AP2A2: variants seen among roughly 807,000 people sequenced by gnomAD.
The protein encoded by AP2A2 is adaptor related protein complex 2 subunit alpha 2.
A neutral mutation model predicts 104.2 loss-of-function variants in AP2A2; 32 were observed. The ratio of observed to expected loss-of-function variants is 0.31; its 90% CI spans 0.23 to 0.41. The LOEUF is 0.41. Among genes scored for constraint, AP2A2 ranks in the 10% least tolerant of loss-of-function variants. The probability of loss-of-function intolerance (pLI) is 1.00; values close to 1 mark genes in which losing one functional copy is unlikely to be tolerated. For missense variants in AP2A2, 912 were observed against 1,261.0 expected, an observed-to-expected ratio of 0.72 and a Z score of 4.19; for synonymous variants, 539 against 533.3, an observed-to-expected ratio of 1.01 and a Z score of -0.15.
At chr11:941,961 C>CT (rs1302118279) in intron 1 of AP2A2, among the ~76,000 whole-genome samples, 5 of 151,922 alleles carry the variant, frequency 3.3e-5, no homozygotes, top group Admixed American at 6.6e-5. Flanking sequence ...GAGTCTCGCT[C>CT]TGTCACCCAG....
intron 7 of AP2A2, 80 bp from the exon 8 acceptor site, chr11:985,355 T>C (rs1855415466): frequency 2.7e-6 from 4 of 1,502,738 alleles, no homozygotes; most frequent in East Asian, 2.3e-5. Context: ...GCTCTCATGA[T>C]GTATGGGTGC....
intron 1 of AP2A2, among the ~76,000 whole-genome samples, chr11:938,404 T>C (rs1164166332): frequency 1.3e-5 from 2 of 152,190 alleles, no homozygotes; most frequent in Non-Finnish European, 2.9e-5. Context: ...CCAAATATGT[T>C]CTAGAACATT....
intron 1 of AP2A2, among the ~76,000 whole-genome samples, chr11:930,347 G>A (rs565245328): frequency 9.9e-5 from 15 of 152,200 alleles, no homozygotes; most frequent in African/African-American, 2.9e-4. Flanking sequence ...TGTGGCTCAG[G>A]TAGTGAACTA....
chr11:993,478 G>T lies in AP2A2; in HGVS notation c.1550+97G>T. On this transcript the variant is annotated intron_variant, in intron 12 of 21. Coordinates refer to ENST00000448903, the MANE Select transcript of AP2A2 (RefSeq NM_012305.4). The surrounding 1 kb of genome is among the most constrained non-coding windows in gnomAD (Gnocchi z 8.2). ...AGGCACCAGCTGGCCCTGCCGTGAG[G>T]CCTCGCAGAGCCGCTTCTGCTCCCC... The T allele has an allele frequency of 1.1e-6, 1 of 888,812 alleles. No homozygotes were observed. The allele number at this position is 888,812 out of a possible 1,614,324, so 55.1% of individuals were successfully genotyped here. A position where few individuals can be genotyped will look rare whatever the true frequency, so the allele number is the denominator to read the frequency against.
Position 992,400 on chromosome 11 carries a change from A to AT in AP2A2, c.1270-101dup, listed in dbSNP as rs1164753640. 1.6e-4 allele frequency: 198 copies of AT among 1,223,352 alleles called. 1 individual carries two copies. Among genetic ancestry groups the AT allele is most frequent in the South Asian group, 4.7e-4 (36 of 77,084 alleles). The allele number at this position is 1,223,352 out of a possible 1,614,324, so 75.8% of individuals were successfully genotyped here. The stretch of plus-strand genomic sequence containing the variant: ...CCATGTCCCAAACTTTTGTAGACAC[A>AT]TTGAGGTGCTTCTGAAACTCTCACT... On this transcript the variant is annotated intron_variant, in intron 10 of 21. Transcript: ENST00000448903. The surrounding 1 kb of genome is among the most constrained non-coding windows in gnomAD (Gnocchi z 6.4).
At chr11:1,008,286 C>T in intron 18 of AP2A2, 151 bp downstream of exon 18, 2 of 1,180,044 alleles carry the variant, frequency 1.7e-6, no homozygotes, top group East Asian at 2.8e-5. Flanking sequence ...GCTATTGCTG[C>T]CCCCGGCTCT....
chr11:999,037 G>A (rs1245338511), intron 14 of AP2A2, among the ~76,000 whole-genome samples: 3 of 152,130 alleles, frequency 2.0e-5, no homozygotes, highest in Non-Finnish European at 4.4e-5. Flanking sequence ...TGGTGCACAG[G>A]CTGCTGTGGG....
At chr11:982,680 C>T (rs942151169) in intron 6 of AP2A2, among the ~76,000 whole-genome samples, 4 of 149,724 alleles carry the variant, frequency 2.7e-5, no homozygotes, top group South Asian at 2.1e-4. Flanking sequence ...GATAGGGTCT[C>T]GCTCTTGGTG....
At chr11:965,807 C>T (rs1049575374) in intron 2 of AP2A2, among the ~76,000 whole-genome samples, 3 of 152,224 alleles carry the variant, frequency 2.0e-5, no homozygotes, top group Non-Finnish European at 4.4e-5. Flanking sequence ...TAGAAAACAA[C>T]TGTTGTGTTC....
chr11:994,290 C>A, intron 14 of AP2A2, 45 bp downstream of exon 14: 2 of 1,599,226 alleles, frequency 1.3e-6, no homozygotes, highest in Non-Finnish European at 8.5e-7. Context: ...CAGGGCCTCA[C>A]CCCCAAGACT....
chr11:1,006,709 G>A (rs1457291072), intron 17 of AP2A2, 92 bp downstream of exon 17: 2 of 961,708 alleles, frequency 2.1e-6, no homozygotes, highest in Admixed American at 2.2e-5. Flanking sequence ...TTCTTATTTT[G>A]TTAAAATAGC....
chr11:1,008,433 C>T (rs981035995), intron 18 of AP2A2: 22 of 348,868 alleles, frequency 6.3e-5, no homozygotes, highest in African/African-American at 2.6e-4. Flanking sequence ...CCAGGGCCCC[C>T]GCGCCACCTG....
At chr11:948,024 C>T (rs1346390657) in intron 1 of AP2A2, among the ~76,000 whole-genome samples, 1 of 152,062 alleles carries the variant, frequency 6.6e-6, no homozygotes, top group Non-Finnish European at 1.5e-5. Context: ...GCAGTGAGAG[C>T]AGGGCTGAGG....
In AP2A2 at chr11:1,009,824, C is replaced by T. The variant is rs1590026949; in HGVS notation, c.2742+7C>T. The T allele has an allele frequency of 1.9e-6, 3 of 1,538,822 alleles. No homozygotes were observed. Among genetic ancestry groups the T allele is most frequent in the East Asian group, 2.5e-5 (1 of 40,508 alleles). On this transcript the variant is annotated splice_region_variant and intron_variant, in intron 21 of 21. Transcript: ENST00000448903. ...GCCGAACCTGCAAGCCCAGGTCAGG[C>T]CCTCAGGAAATGGTGGAACACACTT... is the stretch of plus-strand genomic sequence containing the variant.
chr11:959,477 A>C lies in AP2A2; in HGVS notation c.108A>C (p.Glu36Asp), dbSNP rs768287489. The C allele has an allele frequency of 6.4e-7, 1 of 1,560,054 alleles. No homozygotes were observed. The highest frequency in any genetic ancestry group is 8.8e-7 in the Non-Finnish European group (1 of 1,134,584). Reference protein sequence around the residue: ...KEAEIKRINKELANIRSKFKG... With the variant: ...KEAEIKRINKDLANIRSKFKG... ...CAGAAATAAAAAGGATAAACAAGGA[A>C]CTGGCAAATATCAGATCAAAATTTA... Residue 36 changes from glutamate to aspartate, a missense_variant, in exon 2 of 22, where the codon GAA becomes GAC. This residue lies in a region of AP2A2 where 17 missense variants were observed against 57.3 expected (regional missense o/e 0.30). Transcript: ENST00000448903.
Position 972,928 on chromosome 11 carries a change from C to T in AP2A2, c.473+673C>T, listed in dbSNP as rs189114063. Among the ~76,000 whole-genome samples the T allele has an allele frequency of 4.6e-5, 7 of 152,384 alleles. No individual in the cohort carries two copies. In the East Asian group the frequency reaches 5.8e-4, roughly 13 times the overall value. ...GCCGAGCACCGCGCCGGAGCGCCCT[C>T]GGCCATCCGTTCCGTCCCTTGTTAA... On this transcript the variant is annotated intron_variant, in intron 4 of 21. Transcript: ENST00000448903.
At chr11:1,007,680 C>G in intron 17 of AP2A2, 1 of 386,270 alleles carries the variant, frequency 2.6e-6, no homozygotes, top group African/African-American at 2.1e-5. Context: ...TTTTCCTGCC[C>G]TACTAAGCAC....
intron 1 of AP2A2, 48 bp from the exon 2 acceptor site, chr11:959,389 C>G: frequency 7.8e-7 from 1 of 1,276,064 alleles, no homozygotes; most frequent in Middle Eastern, 1.9e-4. Context: ...AATGGTGTTT[C>G]TTTAGAAATC....
intron 18 of AP2A2, chr11:1,008,739 A>C: frequency 3.0e-6 from 1 of 330,414 alleles, no homozygotes; most frequent in Non-Finnish European, 5.5e-6. Context: ...TATACTGTAG[A>C]ATTCGGGGAC....
Sources: allele counts gnomAD v4.1 joint callset (sites outside exome capture counted in the v4.1 genomes callset), GRCh38; gene constraint gnomAD v4.1.1; regional missense constraint gnomAD v4.1.1; non-coding constraint Gnocchi (gnomAD v3.1); transcripts MANE v1.5; gene names NCBI Gene and HGNC (gene_info 2026-07-23, HGNC 2026-07-21).